The following LRMDA variants were observed in gnomAD, a reference collection of about 807,000 sequenced individuals.
LRMDA encodes leucine-rich melanocyte differentiation-associated protein.
Under a neutral mutation model 29.8 loss-of-function variants are expected in LRMDA, and 18 were observed. The observed-to-expected ratio is 0.60, with a 90% CI of 0.42 to 0.90. The LOEUF (loss-of-function observed/expected upper bound fraction) is 0.90. Among genes scored for constraint, LRMDA ranks in the 40% least tolerant of loss-of-function variants. The pLI, the probability that LRMDA is intolerant of heterozygous loss-of-function variation, is 0.00. For missense variants in LRMDA, 273 were observed against 273.9 expected (o/e 1.00, Z 0.02); for synonymous variants, 125 against 109.4 (o/e 1.14, Z -0.89).
chr10:76,529,511 G>A (rs1239042258), intron 6 of LRMDA, among the ~76,000 whole-genome samples: 1 of 152,114 alleles, frequency 6.6e-6, no homozygotes, highest in African/African-American at 2.4e-5. Context: ...CATGACATTT[G>A]TTCTCAATCT....
intron 2 of LRMDA, among the ~76,000 whole-genome samples, chr10:75,629,153 C>T (rs1018239410): frequency 6.6e-6 from 1 of 152,174 alleles, no homozygotes; most frequent in African/African-American, 2.4e-5. Flanking sequence ...CCAGATACTG[C>T]CCTGGGGCAG....
At chr10:76,263,440 T>C (rs896815900) in intron 5 of LRMDA, among the ~76,000 whole-genome samples, 3 of 152,234 alleles carry the variant, frequency 2.0e-5, no homozygotes, top group Non-Finnish European at 2.9e-5. Flanking sequence ...AATTTGGTGA[T>C]GATTCTACTG....
At chr10:76,190,393 T>C (rs1009658648) in intron 5 of LRMDA, among the ~76,000 whole-genome samples, 3 of 152,156 alleles carry the variant, frequency 2.0e-5, no homozygotes, top group African/African-American at 7.2e-5. Flanking sequence ...ATAATTTAAA[T>C]GGGAAAAGGC....
chr10:75,766,901 T>C (rs1843176503), intron 2 of LRMDA, among the ~76,000 whole-genome samples: 2 of 152,210 alleles, frequency 1.3e-5, no homozygotes, highest in Admixed American at 1.3e-4. Flanking sequence ...GTGTTTGGTT[T>C]TCTGTTCCTG....
chr10:75,553,148 A>G (rs1589180463), intron 2 of LRMDA, among the ~76,000 whole-genome samples: 2 of 152,312 alleles, frequency 1.3e-5, no homozygotes, highest in East Asian at 3.9e-4. Context: ...TGCATATAAA[A>G]GAACAGTAGA....
intron 5 of LRMDA, among the ~76,000 whole-genome samples, chr10:76,244,412 C>A (rs1326654619): frequency 4.6e-5 from 7 of 152,124 alleles, no homozygotes; most frequent in Non-Finnish European, 5.9e-5. Context: ...GAAGAATGTT[C>A]CATTCTTCAG....
intron 2 of LRMDA, among the ~76,000 whole-genome samples, chr10:75,617,918 A>AG (rs1456604754): frequency 2.0e-5 from 3 of 152,226 alleles, no homozygotes; most frequent in Admixed American, 6.5e-5. Flanking sequence ...TGGGCAAATC[A>AG]ACCTCGCTAG....
intron 2 of LRMDA, among the ~76,000 whole-genome samples, chr10:75,918,848 G>A (rs987718104): frequency 2.6e-5 from 4 of 152,098 alleles, no homozygotes; most frequent in African/African-American, 9.7e-5. Flanking sequence ...GTTTAAAGAC[G>A]TTGATTGGGC....
intron 2 of LRMDA, among the ~76,000 whole-genome samples, chr10:75,480,792 C>T (rs971938584): frequency 1.3e-5 from 2 of 152,214 alleles, no homozygotes; most frequent in East Asian, 3.9e-4. Flanking sequence ...GTAGAGTCTT[C>T]CAAGACAAGG....
intron 2 of LRMDA, among the ~76,000 whole-genome samples, chr10:76,023,873 T>C (rs1326687265): frequency 1.3e-5 from 2 of 152,262 alleles, no homozygotes; most frequent in African/African-American, 4.8e-5. Flanking sequence ...CACATTTATT[T>C]TTCAAAAACA....
rs1006380102 is a variant in LRMDA, at chr10:76,118,737, C to CT, written c.516+59960dup. Among the ~76,000 whole-genome samples the CT allele has an allele frequency of 6.8e-4, 102 of 150,282 alleles. 1 individual carries two copies. The highest frequency in any genetic ancestry group is 3.5e-3 in the Middle Eastern group (1 of 288). ...TGCATTAAAAACATCACAATCATAT[C>CT]TTTTTTATCCTGTTATTTATTTTTG... On this transcript the variant is annotated intron_variant, in intron 5 of 6. Transcript: ENST00000611255.
chr10:75,506,206 T>C (rs73275527), intron 2 of LRMDA, among the ~76,000 whole-genome samples: 3,521 of 152,218 alleles, frequency 0.023, 141 homozygotes, highest in African/African-American at 0.08. Context: ...ACCCCAAACA[T>C]AGACTCTCAG....
chr10:75,856,841 G>T (rs149667821), intron 2 of LRMDA, among the ~76,000 whole-genome samples: 2,459 of 152,250 alleles, frequency 0.016, 28 homozygotes, highest in Non-Finnish European at 0.027. Flanking sequence ...GGGCAATCAG[G>T]CAGGAGAAGG....
intron 5 of LRMDA, among the ~76,000 whole-genome samples, chr10:76,145,298 T>G (rs1183909298): frequency 6.6e-6 from 1 of 152,290 alleles, no homozygotes; most frequent in Middle Eastern, 3.4e-3. Flanking sequence ...TGGTAGAATT[T>G]GGCTGTGAAT....
chr10:76,188,153 C>T (rs886685185), intron 5 of LRMDA, among the ~76,000 whole-genome samples: 9 of 152,174 alleles, frequency 5.9e-5, no homozygotes, highest in East Asian at 1.9e-4. Flanking sequence ...AGAGGTCAGC[C>T]GGAAACCCCT....
intron 6 of LRMDA, chr10:76,470,492 AC>A (rs1285678369): frequency 2.2e-4 from 33 of 152,098 alleles, no homozygotes; most frequent in Admixed American, 2.2e-3. Flanking sequence ...GGTAGAAACA[AC>A]CCAAATGTCC....
At position 76,270,043 on chromosome 10, in the gene LRMDA, T is replaced by C. The variant is rs1420155487; in HGVS notation, c.517-54358T>C. 2.0e-5 allele frequency among the ~76,000 whole-genome samples: 3 copies of C among 152,214 alleles called. No individual in the cohort carries two copies. In the East Asian group the frequency reaches 5.8e-4, roughly 29 times the overall value. On this transcript the variant is annotated intron_variant, in intron 5 of 6. Coordinates refer to ENST00000611255, the MANE Select transcript of LRMDA (RefSeq NM_001305581.2). ...CACTCCCCTTTTTGTTCCCCGTCAG[T>C]ATTTACAAAGCATCTATTCTGTGCA...
At chr10:75,755,861 A>G (rs1177177473) in intron 2 of LRMDA, among the ~76,000 whole-genome samples, 2 of 152,196 alleles carry the variant, frequency 1.3e-5, no homozygotes, top group Non-Finnish European at 2.9e-5. Context: ...TGCTACAAAT[A>G]AAATCCATAT....
intron 5 of LRMDA, among the ~76,000 whole-genome samples, chr10:76,145,198 G>A (rs1482121566): frequency 6.6e-6 from 1 of 152,176 alleles, no homozygotes; most frequent in African/African-American, 2.4e-5. Flanking sequence ...GATGAGGCTG[G>A]CCTCATAAAA....
Sources: allele counts gnomAD v4.1 joint callset (sites outside exome capture counted in the v4.1 genomes callset), GRCh38; gene constraint gnomAD v4.1.1; transcripts MANE v1.5; gene names NCBI Gene and HGNC (gene_info 2026-07-23, HGNC 2026-07-21).